Variants in ANK1 observed in about 807,000 individuals in gnomAD.
ANK1 encodes ankyrin-1.
Under a neutral mutation model 210.4 loss-of-function variants are expected in ANK1, and 51 were observed. The ratio of observed to expected loss-of-function variants is 0.24; its 90% CI spans 0.19 to 0.31. ANK1 has a LOEUF of 0.31. Among genes scored for constraint, ANK1 ranks in the 10% least tolerant of loss-of-function variants. The probability of loss-of-function intolerance (pLI) is 1.00; values close to 1 mark genes in which losing one functional copy is unlikely to be tolerated. For synonymous variants in ANK1, 967 were observed against 1,025.9 expected, an observed-to-expected ratio of 0.94 and a Z score of 1.10; for missense variants, 2,051 against 2,504.4, an observed-to-expected ratio of 0.82 and a Z score of 3.86.
chr8:41,804,983 G>A (rs1359736888), intron 1 of ANK1, among the ~76,000 whole-genome samples: 2 of 151,896 alleles, frequency 1.3e-5, no homozygotes, highest in Admixed American at 6.6e-5. Flanking sequence ...AGTGTTGAAT[G>A]GAACTCAAAC....
chr8:41,685,695 G>A (rs1193014952), intron 36 of ANK1, among the ~76,000 whole-genome samples: 1 of 152,166 alleles, frequency 6.6e-6, no homozygotes, highest in African/African-American at 2.4e-5. Context: ...GAGTGCAGCA[G>A]TGCAACTGTA....
upstream of ANK1, among the ~76,000 whole-genome samples, chr8:41,802,083 G>A (rs556230236): frequency 3.9e-5 from 6 of 152,126 alleles, no homozygotes; most frequent in South Asian, 4.2e-4. Context: ...TCCGCCTCCC[G>A]GGTTCCAGCA....
Position 41,663,671 on chromosome 8 carries a change from AAT to A in ANK1, c.5464_5465del (p.Ile1822CysfsTer118). Reference sequence around the variant, plus strand: ...ACTCTGCACCCACCTTCTTGGTGACAATGTTGCCCTGCTCATCCGTGAATTGC... The same window carrying A: ...ACTCTGCACCCACCTTCTTGGTGACAGTTGCCCTGCTCATCCGTGAATTGC... ...EEQFTDEQGN[I>X]VTKKIIRKVV... On this transcript the variant is annotated frameshift_variant, in exon 40 of 43. Transcript: ENST00000289734. LOFTEE classifies it high-confidence loss of function. The A allele has an allele frequency of 6.2e-7, 1 of 1,613,852 alleles. No homozygotes were observed. The highest frequency in any genetic ancestry group is 8.5e-7 in the Non-Finnish European group (1 of 1,179,842).
intron 1 of ANK1, among the ~76,000 whole-genome samples, chr8:41,791,361 G>A (rs565736496): frequency 1.3e-5 from 2 of 148,822 alleles, no homozygotes; most frequent in African/African-American, 2.5e-5. Context: ...TAGAGATGGG[G>A]TTTTGCCATG....
chr8:41,853,172 T>G (rs561061367), intron 1 of ANK1, among the ~76,000 whole-genome samples: 14 of 152,338 alleles, frequency 9.2e-5, no homozygotes, highest in Admixed American at 2.6e-4. Flanking sequence ...CATTCAACTT[T>G]CCAGGAACAC....
intron 38 of ANK1, among the ~76,000 whole-genome samples, 156 bp from the exon 39 acceptor site, chr8:41,668,720 G>A (rs991508456): frequency 9.9e-5 from 15 of 152,142 alleles, no homozygotes; most frequent in African/African-American, 2.7e-4. Flanking sequence ...GGTCAGGGGC[G>A]CATGAGCACA....
At position 41,696,747 on chromosome 8, in the gene ANK1, G is replaced by C. The variant is rs1821111545; in HGVS notation, c.2664C>G (p.Ser888=). ...CGGTGGCCGGGCTGCTGGGGATGAG[G>C]GAGTCCTCATCATACTCTTTAGATG... ...EQASKEYDED[S]LIPSSPATET... Residue 888 remains serine, a synonymous_variant, in exon 25 of 43, where the codon TCC becomes TCG. Transcript: ENST00000289734. 1.9e-6 allele frequency: 3 copies of C among 1,601,304 alleles called. No individual in the cohort carries two copies. The highest frequency in any genetic ancestry group is 2.2e-5 in the South Asian group (2 of 91,044).
At chr8:41,713,365 A>G (rs1872875) in intron 16 of ANK1, among the ~76,000 whole-genome samples, 19,504 of 152,106 alleles carry the variant, frequency 0.13, 3,530 homozygotes, top group African/African-American at 0.41. Flanking sequence ...TTCCCACAGC[A>G]GGCAGCCTGT....
intron 1 of ANK1, among the ~76,000 whole-genome samples, chr8:41,895,388 C>T (rs925429029): frequency 2.6e-5 from 4 of 152,168 alleles, no homozygotes; most frequent in Non-Finnish European, 5.9e-5. Context: ...TCCTCCGTGG[C>T]TCTAAGGTGC....
intron 20 of ANK1, among the ~76,000 whole-genome samples, chr8:41,702,986 AT>A (rs566591083): frequency 1.5e-4 from 22 of 147,806 alleles, no homozygotes; most frequent in South Asian, 4.3e-4. Flanking sequence ...CACTCAGCTA[AT>A]TTTTTTTTTT....
chr8:41,870,719 G>A (rs1323372255), intron 1 of ANK1, among the ~76,000 whole-genome samples: 1 of 152,210 alleles, frequency 6.6e-6, no homozygotes, highest in Non-Finnish European at 1.5e-5. Context: ...TGGCAGAAAG[G>A]GTGGGCCCGG....
intron 2 of ANK1, among the ~76,000 whole-genome samples, chr8:41,745,277 C>A (rs1054400765): frequency 1.3e-5 from 2 of 152,124 alleles, no homozygotes; most frequent in Admixed American, 6.5e-5. Context: ...TGTGTTGCAT[C>A]AGTGTTGATT....
At position 41,694,954 on chromosome 8, in the gene ANK1, G is replaced by T; in HGVS notation, c.3116-151C>A. ...TAGTGGCCAGAAGAAGTGGCCAGAA[G>T]AAGTGCCCAGGCCCAGAGGCCCAGC... On this transcript the variant is annotated intron_variant, in intron 27 of 42. Transcript: ENST00000289734. This position sits in a 1 kb window ranked among gnomAD's most constrained non-coding sequence, Gnocchi z 5.7. 2 of 1,059,976 alleles carry T rather than the reference G, an allele frequency of 1.9e-6. No individual in the cohort carries two copies. The highest frequency in any genetic ancestry group is 2.5e-5 in the East Asian group (1 of 40,380). 65.7% of individuals were successfully genotyped at this position (1,059,976 alleles called of 1,614,324 possible).
chr8:41,754,323 A>T (rs1312091819), intron 2 of ANK1, among the ~76,000 whole-genome samples: 2 of 152,136 alleles, frequency 1.3e-5, no homozygotes, highest in African/African-American at 2.4e-5. Context: ...TTACATATAA[A>T]TTTCTTCTTT....
rs79481087 is a variant in ANK1, at chr8:41,832,568, G to A, written c.126+63787C>T. Reference sequence around the variant, plus strand: ...TGAAGACCCAAGAAAGCAGAGCCAAGTGGAGTGACCCTGATACCAGGGCCA... The same window carrying A: ...TGAAGACCCAAGAAAGCAGAGCCAAATGGAGTGACCCTGATACCAGGGCCA... On this transcript the variant is annotated intron_variant, in intron 1 of 42. Transcript: ENST00000265709. Among the ~76,000 whole-genome samples, 843 of 152,296 alleles carry A rather than the reference G, an allele frequency of 5.5e-3. 9 individuals are homozygous for A. The highest frequency in any genetic ancestry group is 0.015 in the African/African-American group (617 of 41,566).
At chr8:41,752,358 T>G (rs1023786027) in intron 2 of ANK1, among the ~76,000 whole-genome samples, 2 of 151,856 alleles carry the variant, frequency 1.3e-5, no homozygotes, top group Admixed American at 1.3e-4. Context: ...CGAGTGGGAG[T>G]ATATTCAACA....
At chr8:41,686,128 C>T (rs1474271811) in intron 36 of ANK1, 24 bp downstream of exon 36, 2 of 1,614,214 alleles carry the variant, frequency 1.2e-6, no homozygotes, top group Non-Finnish European at 1.7e-6. Flanking sequence ...CTAGGACAGG[C>T]TTCCTCAGTG....
At position 41,655,173 on chromosome 8, in the gene ANK1, G is replaced by A; in HGVS notation, c.*617C>T. The A allele has an allele frequency of 6.5e-6, 1 of 153,488 alleles. No individual in the cohort carries two copies. The highest frequency in any genetic ancestry group is 1.4e-5 in the Non-Finnish European group (1 of 69,692). The allele number at this position is 153,488 out of a possible 1,614,324, so 9.5% of individuals were successfully genotyped here. A position where few individuals can be genotyped will look rare whatever the true frequency, so the allele number is the denominator to read the frequency against. ...GTGTGTCCTGAATGTCATGTAGAGC[G>A]ATCTGGGAGGAGCGTCACCAGGGAG... On this transcript the variant is annotated 3_prime_UTR_variant, in exon 43 of 43. Transcript: ENST00000289734.
Position 41,696,781 on chromosome 8 carries a change from G to T in ANK1, c.2638-8C>A. 6.3e-7 allele frequency: 1 copy of T among 1,597,448 alleles called. No homozygotes were observed. The highest frequency in any genetic ancestry group is 1.1e-5 in the South Asian group (1 of 90,852). On this transcript the variant is annotated splice_region_variant and splice_polypyrimidine_tract_variant and intron_variant, in intron 24 of 42. Coordinates refer to ENST00000289734, the MANE Select transcript of ANK1 (RefSeq NM_000037.4). Reference sequence around the variant, plus strand: ...ATCATACTCTTTAGATGCCTGAGGAGAGAGAAAGGGTCCTCCTGTCCCACC... The same window carrying T: ...ATCATACTCTTTAGATGCCTGAGGATAGAGAAAGGGTCCTCCTGTCCCACC...
Sources: allele counts gnomAD v4.1 joint callset (sites outside exome capture counted in the v4.1 genomes callset), GRCh38; gene constraint gnomAD v4.1.1; non-coding constraint Gnocchi (gnomAD v3.1); transcripts MANE v1.5; gene names NCBI Gene and HGNC (gene_info 2026-07-23, HGNC 2026-07-21).